DIP2A: variants seen among roughly 807,000 people sequenced by gnomAD.
DIP2A encodes DIP2 acetate--CoA ligase A.
A neutral mutation model predicts 177.4 loss-of-function variants in DIP2A; 85 were observed. That is an observed-to-expected ratio of 0.48 (90% CI 0.40 to 0.57). The LOEUF (loss-of-function observed/expected upper bound fraction) is 0.57, where lower values mean the gene tolerates loss of function less well. DIP2A is among the 20% of genes least tolerant of loss of function. DIP2A has a pLI of 0.00. For missense variants in DIP2A, 1,791 were observed against 2,100.2 expected, an observed-to-expected ratio of 0.85 and a Z score of 2.88; for synonymous variants, 886 against 881.8, an observed-to-expected ratio of 1.00 and a Z score of -0.08.
chr21:46,554,140 A>G (rs1211911234), intron 25 of DIP2A, 29 bp from the exon 26 acceptor site: 1 of 1,609,736 alleles, frequency 6.2e-7, no homozygotes, highest in Non-Finnish European at 8.5e-7. Context: ...GCACCAGCAT[A>G]CAGATGAGCT....
chr21:46,562,064 CTGGG>C (rs1181382919), intron 34 of DIP2A, among the ~76,000 whole-genome samples: 5 of 152,084 alleles, frequency 3.3e-5, no homozygotes, highest in Non-Finnish European at 5.9e-5. Flanking sequence ...AGAACTCCCG[CTGGG>C]TGGGTGGCAG....
chr21:46,509,762 G>A (rs1011621475), intron 7 of DIP2A, among the ~76,000 whole-genome samples: 2 of 152,036 alleles, frequency 1.3e-5, no homozygotes, highest in Admixed American at 6.6e-5. Flanking sequence ...AATGAAATAC[G>A]TATTTAGGAA....
chr21:46,548,484 T>C (rs1431067286), intron 21 of DIP2A, among the ~76,000 whole-genome samples: 1 of 152,144 alleles, frequency 6.6e-6, no homozygotes, highest in African/African-American at 2.4e-5. Context: ...ATTGAGAGTA[T>C]ATGTGCCATT....
intron 15 of DIP2A, among the ~76,000 whole-genome samples, chr21:46,538,071 C>T (rs2059647329): frequency 6.6e-6 from 1 of 152,096 alleles, no homozygotes; most frequent in African/African-American, 2.4e-5. Flanking sequence ...TGCTGGATTC[C>T]ACATGCTAGC....
At chr21:46,579,245 A>G in the DIP2A span, among the ~76,000 whole-genome samples, 241 of 152,310 alleles carry the variant, frequency 1.6e-3, 1 homozygote, top group South Asian at 0.012. Context: ...TCATGTGCAT[A>G]GAGATGTTTA....
chr21:46,582,868 G>T, the DIP2A span, among the ~76,000 whole-genome samples: 4 of 152,154 alleles, frequency 2.6e-5, no homozygotes, highest in South Asian at 8.3e-4. Context: ...TTATATAATG[G>T]TAAGACTATA....
intron 19 of DIP2A, among the ~76,000 whole-genome samples, chr21:46,545,521 A>C (rs1390573346): frequency 6.6e-6 from 1 of 152,212 alleles, no homozygotes; most frequent in Non-Finnish European, 1.5e-5. Flanking sequence ...ACAGTCCTGC[A>C]TGGGAGGAGG....
downstream of DIP2A, among the ~76,000 whole-genome samples, chr21:46,572,025 C>G (rs909670778): frequency 6.6e-6 from 1 of 152,086 alleles, no homozygotes; most frequent in African/African-American, 2.4e-5. Flanking sequence ...CAGTATGATA[C>G]TGGCTGTGGG....
chr21:46,538,336 C>T, intron 15 of DIP2A, 147 bp from the exon 16 acceptor site: 9 of 1,210,040 alleles, frequency 7.4e-6, no homozygotes, highest in Non-Finnish European at 8.9e-6. Flanking sequence ...TGAGAGACGG[C>T]TGCAGAGAGC....
In DIP2A at chr21:46,515,281, T is replaced by C. The variant is rs549240847; in HGVS notation, c.1102+3667T>C. 9.2e-5 allele frequency among the ~76,000 whole-genome samples: 14 copies of C among 152,346 alleles called. 1 individual carries two copies. In the East Asian group the frequency reaches 2.7e-3, roughly 29 times the overall value. Reference sequence around the variant, plus strand: ...GCATGGACTTTCCTTAAAAACAGCATTGGGCTTGTGGAGACTGTCAGTTCT... The same window carrying C: ...GCATGGACTTTCCTTAAAAACAGCACTGGGCTTGTGGAGACTGTCAGTTCT... On this transcript the variant is annotated intron_variant, in intron 8 of 37. Transcript: ENST00000417564.
In DIP2A at chr21:46,549,696, A is replaced by C. The variant is rs904232342; in HGVS notation, c.2523-75A>C. The C allele has an allele frequency of 3.2e-6, 5 of 1,583,460 alleles. No homozygotes were observed. The African/African-American group carries it at 6.7e-5, about 21-fold the overall frequency. On this transcript the variant is annotated intron_variant, in intron 21 of 37. Transcript: ENST00000417564. ...AATACTAGGACAGTCTGCCTCTTCC[A>C]TCGTGAGGGTGAGAATGCATCTGTG...
chr21:46,538,646 C>G (rs2059673449), intron 16 of DIP2A, 44 bp downstream of exon 16: 2 of 1,538,420 alleles, frequency 1.3e-6, no homozygotes, highest in Non-Finnish European at 1.7e-6. Context: ...CACAGTGTCC[C>G]CTCCTGCAAA....
At chr21:46,572,315 T>G (rs982401175), downstream of DIP2A, among the ~76,000 whole-genome samples, 11 of 152,208 alleles carry the variant, frequency 7.2e-5, no homozygotes, top group Admixed American at 7.2e-4. Flanking sequence ...ATGTTTAGTG[T>G]AGTCTAAGTG....
intron 33 of DIP2A, 93 bp from the exon 34 acceptor site, chr21:46,561,655 C>T (rs777656717): frequency 6.1e-6 from 9 of 1,481,738 alleles, no homozygotes; most frequent in South Asian, 3.4e-5. Flanking sequence ...AACAGACCCT[C>T]AGAGTGATCA....
chr21:46,559,118 A>C (rs896915193), intron 32 of DIP2A: 3 of 151,802 alleles, frequency 2.0e-5, no homozygotes, highest in Non-Finnish European at 4.4e-5. Flanking sequence ...AAAAAAAAAA[A>C]AAAAAACATA....
chr21:46,545,656 AC>A (rs1260214409), intron 19 of DIP2A, among the ~76,000 whole-genome samples: 1 of 152,206 alleles, frequency 6.6e-6, no homozygotes, highest in Non-Finnish European at 1.5e-5. Flanking sequence ...GAGGCCAGGC[AC>A]CCAGAGCAGA....
intron 7 of DIP2A, 28 bp from the exon 8 acceptor site, chr21:46,511,389 G>T (rs1443225821): frequency 1.3e-6 from 2 of 1,579,020 alleles, no homozygotes; most frequent in African/African-American, 1.3e-5. Context: ...CTGAATTGCT[G>T]ATTTTAAAGT....
At chr21:46,506,491 A>G (rs1268848364) in intron 6 of DIP2A, among the ~76,000 whole-genome samples, 1 of 152,200 alleles carries the variant, frequency 6.6e-6, no homozygotes, top group Non-Finnish European at 1.5e-5. Flanking sequence ...CATTATTAGT[A>G]GTGAGAGTAT....
intron 8 of DIP2A, among the ~76,000 whole-genome samples, chr21:46,528,298 T>C (rs1431366294): frequency 2.0e-5 from 3 of 152,112 alleles, no homozygotes; most frequent in Non-Finnish European, 4.4e-5. Context: ...TGAATTGTTG[T>C]AAAGATTAAA....
Sources: allele counts gnomAD v4.1 joint callset (sites outside exome capture counted in the v4.1 genomes callset), GRCh38; gene constraint gnomAD v4.1.1; transcripts MANE v1.5; gene names NCBI Gene and HGNC (gene_info 2026-07-23, HGNC 2026-07-21).